ATXN7L1: variants seen among roughly 807,000 people sequenced by gnomAD.
ATXN7L1 encodes ataxin 7 like 1, also known as ataxin-7-like protein 1.
A neutral mutation model predicts 70.8 loss-of-function variants in ATXN7L1; 15 were observed. The ratio of observed to expected loss-of-function variants is 0.21; its 90% confidence interval spans 0.14 to 0.33. ATXN7L1 has a LOEUF of 0.33. Ranked by LOEUF, ATXN7L1 falls within the 10% of genes least tolerant of loss-of-function variation. ATXN7L1 has a pLI of 1.00. For missense variants in ATXN7L1, 975 were observed against 1,097.1 expected (o/e 0.89, Z 1.57); for synonymous variants, 440 against 445.1 (o/e 0.99, Z 0.14).
At chr7:105,716,987 A>G (rs533188223) in intron 3 of ATXN7L1, among the ~76,000 whole-genome samples, 6 of 152,182 alleles carry the variant, frequency 3.9e-5, no homozygotes. Flanking sequence ...GAAGAAACTA[A>G]AAATGACCCA....
chr7:105,736,304 C>T (rs672416), intron 3 of ATXN7L1, among the ~76,000 whole-genome samples: 31,681 of 152,160 alleles, frequency 0.21, 3,517 homozygotes, highest in East Asian at 0.33. Context: ...ATGTGAACTG[C>T]TTGCCACGTG....
At chr7:105,612,787 G>T (rs1793274643) in intron 10 of ATXN7L1, among the ~76,000 whole-genome samples, 1 of 152,226 alleles carries the variant, frequency 6.6e-6, no homozygotes, top group Non-Finnish European at 1.5e-5. Flanking sequence ...CTCAGGCTGT[G>T]CTCTTCATGA....
chr7:105,761,486 T>G (rs1800538999), intron 3 of ATXN7L1: 2 of 1,613,728 alleles, frequency 1.2e-6, no homozygotes, highest in Admixed American at 1.7e-5. Flanking sequence ...AATGCTTTGT[T>G]GGCATTTGCT....
At chr7:105,715,941 A>C (rs1019137386) in intron 3 of ATXN7L1, among the ~76,000 whole-genome samples, 96 of 152,214 alleles carry the variant, frequency 6.3e-4, no homozygotes, top group African/African-American at 2.2e-3. Context: ...CCTAATTGGC[A>C]CCAGCAGGCT....
intron 2 of ATXN7L1, among the ~76,000 whole-genome samples, chr7:105,811,194 G>A (rs140350362): frequency 1.7e-3 from 253 of 152,302 alleles, no homozygotes; most frequent in African/African-American, 5.2e-3. Context: ...GTCCTTATAC[G>A]ACGAGGAGAA....
At chr7:105,674,970 G>A (rs1804395131) in intron 3 of ATXN7L1, among the ~76,000 whole-genome samples, 2 of 152,120 alleles carry the variant, frequency 1.3e-5, no homozygotes, top group South Asian at 4.1e-4. Flanking sequence ...TGTACACCTT[G>A]CCAGCGGTAC....
rs1294307700 is a variant in ATXN7L1 at position 105,725,212 on chromosome 7, GAAGA to G, written c.356-59928_356-59925del. The stretch of plus-strand genomic sequence containing the variant: ...GGTCCAGAATACAAAGCTAAAGAGA[GAAGA>G]AAGAGAGAGTTTACTGTCTGGCCAC... On this transcript the variant is annotated intron_variant, in intron 3 of 11. Transcript: ENST00000419735. 3.3e-5 allele frequency among the ~76,000 whole-genome samples: 5 copies of G among 152,250 alleles called. No individual in the cohort carries two copies. The East Asian group carries it at 9.7e-4, about 29-fold the overall frequency.
At chr7:105,864,846 A>G (rs1324912703) in intron 2 of ATXN7L1, among the ~76,000 whole-genome samples, 3 of 152,106 alleles carry the variant, frequency 2.0e-5, no homozygotes, top group African/African-American at 7.2e-5. Context: ...CACATTGGCC[A>G]GGCTGGTCTC....
In ATXN7L1 at chr7:105,642,962, C is replaced by T; in HGVS notation, c.738G>A (p.Met246Ile). ...STPPLIKPVL[M>I]SKSVPPSPEK... ...CTGGTGAAGGTGGCACTGACTTGGA[C>T]ATCAGGACAGGCTTAATTAAAGGAG... The change falls in exon 5 of 12, where the codon ATG (methionine) becomes ATA (isoleucine). Residue 246 changes from methionine to isoleucine, a missense_variant. Met to Ile is a conservative substitution (Grantham distance 10, BLOSUM62 1). Transcript: ENST00000419735. 2 of 1,551,734 alleles carry T rather than the reference C, an allele frequency of 1.3e-6. No individual in the cohort carries two copies. Among genetic ancestry groups the T allele is most frequent in the Non-Finnish European group, 1.7e-6 (2 of 1,147,018 alleles).
chr7:105,709,485 A>G (rs1793614833), intron 3 of ATXN7L1, among the ~76,000 whole-genome samples: 1 of 152,100 alleles, frequency 6.6e-6, no homozygotes, highest in Admixed American at 6.6e-5. Flanking sequence ...CAGACCAACC[A>G]ACCCGAAGCC....
At chr7:105,618,964 AAGTACAAGTAGAGGTGGGTGGGG>A (rs761476835) in intron 9 of ATXN7L1, among the ~76,000 whole-genome samples, 1 of 152,042 alleles carries the variant, frequency 6.6e-6, no homozygotes, top group Non-Finnish European at 1.5e-5. Context: ...TAGGGTAGAG[AAGTACAAGTAGAGGTGGGTGGGG>A]AGTCCTAAGG....
chr7:105,801,984 G>A (rs539976975), intron 2 of ATXN7L1, among the ~76,000 whole-genome samples: 5 of 152,210 alleles, frequency 3.3e-5, no homozygotes, highest in South Asian at 2.1e-4. Context: ...ATTTAGGTCC[G>A]GGGAAGGTTT....
chr7:105,638,613 AG>A lies in ATXN7L1; in HGVS notation c.946-5del. Reference sequence around the variant, plus strand: ...TCCGATGGCTTAGCGAATGTGTCTAAGGAGAAGAGAAATGAAAAGCACAGCC... The same window carrying A: ...TCCGATGGCTTAGCGAATGTGTCTAAGAGAAGAGAAATGAAAAGCACAGCC... On this transcript the variant is annotated splice_region_variant and splice_polypyrimidine_tract_variant and intron_variant, in intron 6 of 11. Coordinates refer to ENST00000419735, the MANE Select transcript of ATXN7L1 (RefSeq NM_020725.2). 1 of 1,547,872 alleles carries A rather than the reference AG, an allele frequency of 6.5e-7. No individual in the cohort carries two copies. Among genetic ancestry groups the A allele is most frequent in the Non-Finnish European group, 8.7e-7 (1 of 1,144,766 alleles).
chr7:105,659,658 A>C (rs1801266608), intron 4 of ATXN7L1, among the ~76,000 whole-genome samples: 1 of 152,154 alleles, frequency 6.6e-6, no homozygotes. Context: ...CGGGCTTAGC[A>C]GACCCAGTGC....
At chr7:105,777,243 T>C (rs1421629359) in intron 3 of ATXN7L1, among the ~76,000 whole-genome samples, 1 of 152,200 alleles carries the variant, frequency 6.6e-6, no homozygotes, top group Admixed American at 6.5e-5. Context: ...CCAGCATACA[T>C]GCCAATAAAA....
chr7:105,660,925 G>A (rs1390515869), intron 4 of ATXN7L1, among the ~76,000 whole-genome samples: 1 of 152,094 alleles, frequency 6.6e-6, no homozygotes, highest in Non-Finnish European at 1.5e-5. Flanking sequence ...CCTCAGCCTG[G>A]GTTAGGTACC....
At chr7:105,636,269 C>T (rs1398630124) in intron 7 of ATXN7L1, among the ~76,000 whole-genome samples, 1 of 152,068 alleles carries the variant, frequency 6.6e-6, no homozygotes, top group African/African-American at 2.4e-5. Flanking sequence ...GCGGCACACG[C>T]CTGTAATCCC....
chr7:105,812,676 T>C (rs555397366), intron 2 of ATXN7L1, among the ~76,000 whole-genome samples: 19 of 152,314 alleles, frequency 1.2e-4, no homozygotes, highest in African/African-American at 3.9e-4. Context: ...CACTGTGGCA[T>C]TGTTCTAGGT....
intron 2 of ATXN7L1, among the ~76,000 whole-genome samples, chr7:105,842,569 C>G (rs1158722908): frequency 2.6e-5 from 4 of 152,046 alleles, no homozygotes; most frequent in Non-Finnish European, 5.9e-5. Context: ...CTGAATAATT[C>G]TCATTGTAGG....
Sources: allele counts gnomAD v4.1 joint callset (sites outside exome capture counted in the v4.1 genomes callset), GRCh38; gene constraint gnomAD v4.1.1; transcripts MANE v1.5; gene names NCBI Gene and HGNC (gene_info 2026-07-23, HGNC 2026-07-21).